TADA2A: variants seen among roughly 807,000 people sequenced by gnomAD.
The protein encoded by TADA2A is transcriptional adaptor 2A, also known as transcriptional adapter 2-alpha.
In TADA2A, 38 loss-of-function variants were observed where a neutral mutation model predicts 67.4. That is an observed-to-expected ratio of 0.56 (90% confidence interval 0.44 to 0.74). TADA2A has a LOEUF of 0.74. Among genes scored for constraint, TADA2A ranks in the 30% least tolerant of loss-of-function variants. The pLI, the probability that TADA2A is intolerant of heterozygous loss-of-function variation, is 0.00. For missense variants in TADA2A, 454 were observed against 547.0 expected (o/e 0.83, Z 1.70); for synonymous variants, 192 against 181.6 (o/e 1.06, Z -0.46).
intron 8 of TADA2A, among the ~76,000 whole-genome samples, chr17:37,453,813 C>T (rs142625480): frequency 1.1e-4 from 15 of 134,328 alleles, no homozygotes; most frequent in African/African-American, 1.4e-4. Context: ...TCTTGTTGCC[C>T]AGGCTGGAGT....
intron 10 of TADA2A, among the ~76,000 whole-genome samples, chr17:37,462,371 G>A (rs2053565261): frequency 6.6e-6 from 1 of 152,056 alleles, no homozygotes; most frequent in Admixed American, 6.6e-5. Context: ...GCTCTTGCCT[G>A]TAATCCCAGC....
intron 12 of TADA2A, among the ~76,000 whole-genome samples, chr17:37,469,291 T>C (rs1310192619): frequency 6.6e-6 from 1 of 151,878 alleles, no homozygotes; most frequent in Non-Finnish European, 1.5e-5. Flanking sequence ...TCTTTAACAG[T>C]GGAAACCATT....
chr17:37,445,792 A>G (rs982964942), intron 8 of TADA2A, among the ~76,000 whole-genome samples: 3 of 152,144 alleles, frequency 2.0e-5, no homozygotes, highest in African/African-American at 7.2e-5. Context: ...ATTGAATATG[A>G]TACAGTAGAT....
chr17:37,462,197 G>A (rs1030176530), intron 10 of TADA2A, 76 bp downstream of exon 10: 22 of 1,030,168 alleles, frequency 2.1e-5, no homozygotes, highest in Middle Eastern at 3.1e-4. Context: ...ATCACGTATT[G>A]TAGTTCTTAA....
At chr17:37,424,303 G>C (rs559170603) in intron 3 of TADA2A, among the ~76,000 whole-genome samples, 53 of 151,950 alleles carry the variant, frequency 3.5e-4, no homozygotes, top group African/African-American at 1.2e-3. Flanking sequence ...AATTAGCTGG[G>C]CATGATGGCG....
At position 37,406,900 on chromosome 17, in the gene TADA2A, GGC is replaced by G. The variant is rs1431088802; in HGVS notation, c.-139_-138del. 1 of 144,912 alleles carries G rather than the reference GGC, an allele frequency of 6.9e-6. No homozygotes were observed. The highest frequency in any genetic ancestry group is 2.0e-4 in the East Asian group (1 of 4,998). The allele number at this position is 144,912 out of a possible 1,614,324, so 9.0% of individuals were successfully genotyped here. A position where few individuals can be genotyped will look rare whatever the true frequency, so the allele number is the denominator to read the frequency against. ...CGGGGGCGCGCACGCAAAGCCCGGA[GGC>G]GCGCGCGACCGGCGGCTCTTTGGCG... On this transcript the variant is annotated 5_prime_UTR_variant, in exon 1 of 16. Transcript: ENST00000615182.
chr17:37,472,126 C>T (rs112731800), intron 14 of TADA2A, among the ~76,000 whole-genome samples: 8,498 of 151,430 alleles, frequency 0.056, 282 homozygotes, highest in Middle Eastern at 0.099. Flanking sequence ...AGTGCAGTGA[C>T]GCGATCTTGG....
At position 37,468,924 on chromosome 17, in the gene TADA2A, G is replaced by C. The variant is rs116173976; in HGVS notation, c.895+1399G>C. 7.4e-3 allele frequency among the ~76,000 whole-genome samples: 1,124 copies of C among 151,024 alleles called. 6 individuals carry two copies. The highest frequency in any genetic ancestry group is 0.026 in the African/African-American group (1,051 of 41,150). ...CTTCTTTTTTTTTTTTATTTGAGACGGAGTCTGGCTCTGTTGCGCAGGCTG... is the reference window on the plus strand; with the variant it reads ...CTTCTTTTTTTTTTTTATTTGAGACCGAGTCTGGCTCTGTTGCGCAGGCTG... On this transcript the variant is annotated intron_variant, in intron 12 of 15. Transcript: ENST00000615182.
chr17:37,458,471 A>T, intron 8 of TADA2A, 53 bp from the exon 9 acceptor site: 1 of 1,155,482 alleles, frequency 8.7e-7, no homozygotes. Context: ...TTATTTATTT[A>T]TATAATATAT....
intron 8 of TADA2A, among the ~76,000 whole-genome samples, chr17:37,451,403 C>T (rs996720462): frequency 6.7e-6 from 1 of 150,260 alleles, no homozygotes; most frequent in African/African-American, 2.5e-5. Context: ...ACCACAGCCT[C>T]TGCCTCCCAG....
chr17:37,460,742 G>T (rs547968600), intron 9 of TADA2A, among the ~76,000 whole-genome samples: 1 of 152,244 alleles, frequency 6.6e-6, no homozygotes, highest in East Asian at 1.9e-4. Context: ...AGAAGAGTAT[G>T]CAGAGGGTAT....
intron 8 of TADA2A, among the ~76,000 whole-genome samples, chr17:37,448,593 A>G (rs1410879460): frequency 3.3e-5 from 5 of 151,348 alleles, no homozygotes; most frequent in African/African-American, 1.2e-4. Flanking sequence ...CTCTTTCCCC[A>G]TCTCCTTTCA....
intron 2 of TADA2A, among the ~76,000 whole-genome samples, chr17:37,421,465 A>G (rs1568135101): frequency 6.8e-6 from 1 of 147,128 alleles, no homozygotes; most frequent in Non-Finnish European, 1.5e-5. Context: ...CAAAATATGT[A>G]TTTAGAAGAG....
chr17:37,440,163 T>A (rs1231966022), intron 5 of TADA2A, among the ~76,000 whole-genome samples: 1 of 151,950 alleles, frequency 6.6e-6, no homozygotes, highest in Non-Finnish European at 1.5e-5. Context: ...ATCAGGCTGG[T>A]CTCTAACTCC....
intron 4 of TADA2A, among the ~76,000 whole-genome samples, chr17:37,432,925 A>ATTTTTTTTTTTTTTTTTTT (rs1046006991): frequency 3.8e-5 from 2 of 52,208 alleles, no homozygotes; most frequent in Non-Finnish European, 6.8e-5. Context: ...TGGTATTACA[A>ATTTTTTTTTTTTTTTTTTT]TTTTTTTTTT....
Position 37,442,568 on chromosome 17 carries a change from A to G in TADA2A, c.447A>G (p.Thr149=), listed in dbSNP as rs199556759. ...TADTAIPFHS[T]DDPPRPTFDS... is the part of the protein sequence containing the mutation. ...AAACCTTCTAAATTCTTCCAGCTAC[A>G]GATGACCCTCCCCGACCTACCTTTG... The change falls in exon 7 of 16, where the codon ACA becomes ACG. Residue 149 remains threonine (T), a synonymous_variant. Coordinates refer to ENST00000615182, the MANE Select transcript of TADA2A (RefSeq NM_001166105.3). 3.2e-5 allele frequency: 51 copies of G among 1,613,380 alleles called. No homozygotes were observed. Among genetic ancestry groups the G allele is most frequent in the Middle Eastern group, 1.7e-4 (1 of 6,060 alleles).
chr17:37,452,045 C>T (rs2053248245), intron 8 of TADA2A, among the ~76,000 whole-genome samples: 1 of 151,982 alleles, frequency 6.6e-6, no homozygotes, highest in Non-Finnish European at 1.5e-5. Flanking sequence ...ACTGGCTCTT[C>T]AAGACATTTT....
chr17:37,445,044 T>TA lies in TADA2A; in HGVS notation c.604+278dup, dbSNP rs575623603. On this transcript the variant is annotated intron_variant, in intron 8 of 15. Transcript: ENST00000615182. ...TATCTGAGGTAAATCTACACTAAGG[T>TA]AATTGGTTAAATGGCCCTCACTTGC... 5.9e-5 allele frequency among the ~76,000 whole-genome samples: 9 copies of TA among 152,270 alleles called. No homozygotes were observed. The East Asian group carries it at 1.7e-3, about 29-fold the overall frequency.
intron 12 of TADA2A, among the ~76,000 whole-genome samples, chr17:37,469,752 C>T (rs1466012767): frequency 6.6e-6 from 1 of 152,216 alleles, no homozygotes; most frequent in Non-Finnish European, 1.5e-5. Context: ...CTCTAAGATA[C>T]TCTTGTGGTA....
Sources: allele counts gnomAD v4.1 joint callset (sites outside exome capture counted in the v4.1 genomes callset), GRCh38; gene constraint gnomAD v4.1.1; transcripts MANE v1.5; gene names NCBI Gene and HGNC (gene_info 2026-07-23, HGNC 2026-07-21).